Variants in MBOAT2 observed in about 807,000 individuals in gnomAD.
MBOAT2 encodes the protein membrane-bound glycerophospholipid O-acyltransferase 2.
In MBOAT2, 28 loss-of-function variants were observed where a neutral mutation model predicts 63.4. That is an observed-to-expected ratio of 0.44 (90% CI 0.33 to 0.61). The LOEUF (loss-of-function observed/expected upper bound fraction) is 0.61, where lower values mean the gene tolerates loss of function less well. Among genes scored for constraint, MBOAT2 ranks in the 20% least tolerant of loss-of-function variants. The pLI is 0.03. For missense variants in MBOAT2, 470 were observed against 605.8 expected (o/e 0.78, Z 2.35); for synonymous variants, 211 against 215.6 (o/e 0.98, Z 0.19).
chr2:8,955,930 A>G (rs1669182362), intron 2 of MBOAT2, among the ~76,000 whole-genome samples: 1 of 152,210 alleles, frequency 6.6e-6, no homozygotes, highest in African/African-American at 2.4e-5. Flanking sequence ...GGCCCAGATG[A>G]TCCTTAGTAT....
chr2:8,935,487 G>A (rs1366502166), intron 3 of MBOAT2, among the ~76,000 whole-genome samples: 1 of 152,198 alleles, frequency 6.6e-6, no homozygotes, highest in Non-Finnish European at 1.5e-5. Context: ...TGATAAATAT[G>A]ACAGTATGAA....
chr2:8,972,978 C>A lies in MBOAT2; in HGVS notation c.76-14336G>T, dbSNP rs192868203. Among the ~76,000 whole-genome samples, 90 of 152,142 alleles carry A rather than the reference C, an allele frequency of 5.9e-4. No individual in the cohort carries two copies. The East Asian group carries it at 0.015, about 25-fold the overall frequency. ...CAATGTGACGATTCCTCAAGGATCT[C>A]GAACTAGAAATACCATTTGACCCAG... On this transcript the variant is annotated intron_variant, in intron 1 of 12. Transcript: ENST00000305997.
intron 1 of MBOAT2, among the ~76,000 whole-genome samples, chr2:8,998,611 G>T (rs1369924150): frequency 6.6e-6 from 1 of 151,154 alleles, no homozygotes; most frequent in Non-Finnish European, 1.5e-5. Context: ...GGGAAGAGCG[G>T]GGGGCGGGGG....
chr2:8,895,500 C>T (rs911464515), intron 4 of MBOAT2, among the ~76,000 whole-genome samples: 8 of 151,070 alleles, frequency 5.3e-5, no homozygotes, highest in East Asian at 1.9e-4. Flanking sequence ...AGACACAGAG[C>T]GCTGATTGGT....
At position 8,882,454 on chromosome 2, in the gene MBOAT2, G is replaced by T. The variant is rs543431899; in HGVS notation, c.506+57C>A. ...AGTCAGCCTCAGCCACAGAAGGAAC[G>T]TGGGTCCTAGGCAGGGGCGCAGGAA... On this transcript the variant is annotated intron_variant, in intron 6 of 12. Coordinates refer to ENST00000305997, the MANE Select transcript of MBOAT2 (RefSeq NM_138799.4). 7 of 1,548,160 alleles carry T rather than the reference G, an allele frequency of 4.5e-6. No homozygotes were observed. In the South Asian group the frequency reaches 7.8e-5, roughly 17 times the overall value.
At chr2:8,918,474 A>G (rs1666341013) in intron 3 of MBOAT2, among the ~76,000 whole-genome samples, 1 of 152,244 alleles carries the variant, frequency 6.6e-6, no homozygotes, top group African/African-American at 2.4e-5. Context: ...ACACAGAGAC[A>G]CTAAGTGAAC....
intron 1 of MBOAT2, among the ~76,000 whole-genome samples, chr2:8,985,961 G>T (rs918291417): frequency 2.0e-5 from 3 of 152,136 alleles, no homozygotes; most frequent in African/African-American, 7.2e-5. Flanking sequence ...AGTAAAAAGA[G>T]AAACTTTACA....
chr2:8,959,016 C>A (rs1017472198), intron 1 of MBOAT2, among the ~76,000 whole-genome samples: 1 of 152,104 alleles, frequency 6.6e-6, no homozygotes, highest in Non-Finnish European at 1.5e-5. Flanking sequence ...CCCTGTAACC[C>A]GTGAAAAAGA....
At chr2:8,963,796 C>T (rs183286675) in intron 1 of MBOAT2, among the ~76,000 whole-genome samples, 2 of 152,254 alleles carry the variant, frequency 1.3e-5, no homozygotes, top group East Asian at 3.9e-4. Context: ...GCCTACTATG[C>T]TTTTACTATG....
intron 8 of MBOAT2, among the ~76,000 whole-genome samples, chr2:8,869,873 T>C (rs549023593): frequency 6.6e-6 from 1 of 152,334 alleles, no homozygotes; most frequent in East Asian, 1.9e-4. Flanking sequence ...CTCCATCTTT[T>C]TTAGCCTACT....
Position 8,854,299 on chromosome 2 carries a change from CAG to C in MBOAT2, c.*4378_*4379del, listed in dbSNP as rs1185576118. On this transcript the variant is annotated 3_prime_UTR_variant, in exon 13 of 13. Transcript: ENST00000305997. ...CCACTTTTACAAGGGCTGGAGAAAACAGAAATTTCAGCATCTAAGATGAGTGT... is the reference window on the plus strand; with the variant it reads ...CCACTTTTACAAGGGCTGGAGAAAACAAATTTCAGCATCTAAGATGAGTGT... 6.6e-6 allele frequency: 1 copy of C among 152,186 alleles called. No individual in the cohort carries two copies. Among genetic ancestry groups the C allele is most frequent in the Non-Finnish European group, 1.5e-5 (1 of 68,032 alleles). The allele number at this position is 152,186 out of a possible 1,614,324, so 9.4% of individuals were successfully genotyped here.
At chr2:8,928,270 A>T (rs1014069955) in intron 3 of MBOAT2, among the ~76,000 whole-genome samples, 1 of 152,156 alleles carries the variant, frequency 6.6e-6, no homozygotes, top group African/African-American at 2.4e-5. Flanking sequence ...ACTCCAGAAG[A>T]GAGGTCTCAG....
chr2:8,997,774 T>C (rs978820590), intron 1 of MBOAT2, among the ~76,000 whole-genome samples: 1 of 152,186 alleles, frequency 6.6e-6, no homozygotes, highest in Admixed American at 6.5e-5. Context: ...AAAAATTTAG[T>C]GTTTTGCCAA....
In MBOAT2 at chr2:8,887,999, T is replaced by A; in HGVS notation, c.451+19A>T. ...AATTAAATTTTTTCAGCAATAAAAA[T>A]TAATTTCAGAATTCTTACCATCATG... On this transcript the variant is annotated intron_variant, in intron 5 of 12. Coordinates refer to ENST00000305997, the MANE Select transcript of MBOAT2 (RefSeq NM_138799.4). 6.2e-7 allele frequency: 1 copy of A among 1,607,922 alleles called. No homozygotes were observed. The highest frequency in any genetic ancestry group is 8.5e-7 in the Non-Finnish European group (1 of 1,174,952).
chr2:8,914,444 A>C (rs1239751207), intron 3 of MBOAT2, among the ~76,000 whole-genome samples: 2 of 152,158 alleles, frequency 1.3e-5, no homozygotes, highest in African/African-American at 4.8e-5. Context: ...CATTTTTGTC[A>C]AATTACAGTT....
chr2:8,912,320 A>AAAGC (rs1665781093), intron 3 of MBOAT2, among the ~76,000 whole-genome samples: 1 of 103,930 alleles, frequency 9.6e-6, no homozygotes, highest in Non-Finnish European at 2.0e-5. Flanking sequence ...AGAAAGAAAG[A>AAAGC]AAGAAAGAAA....
At chr2:8,944,208 A>G (rs561124146) in intron 2 of MBOAT2, among the ~76,000 whole-genome samples, 1 of 152,334 alleles carries the variant, frequency 6.6e-6, no homozygotes, top group East Asian at 1.9e-4. Flanking sequence ...GAAATCCACC[A>G]TTAAATTAGA....
chr2:8,873,005 T>G (rs10210755), intron 8 of MBOAT2, 103 bp downstream of exon 8: 69,899 of 985,378 alleles, frequency 0.071, 2,742 homozygotes, highest in Middle Eastern at 0.098. Flanking sequence ...ATTTTTCCAA[T>G]TGGTCTTTAT....
Position 8,862,338 on chromosome 2 carries a change from A to C in MBOAT2, c.1185+252T>G. 1 of 1,418,030 alleles carries C rather than the reference A, an allele frequency of 7.1e-7. No individual in the cohort carries two copies. The highest frequency in any genetic ancestry group is 1.2e-5 in the South Asian group (1 of 81,726). The allele number at this position is 1,418,030 out of a possible 1,614,324, so 87.8% of individuals were successfully genotyped here. ...TCAGAAAATTCTGTAAAGACAAAGT[A>C]ACATTTTGTGAGTGCCTCCTACCTG... On this transcript the variant is annotated intron_variant, in intron 11 of 12. Transcript: ENST00000305997. This position sits in a 1 kb window ranked among gnomAD's most constrained non-coding sequence, Gnocchi z 4.3.
Sources: allele counts gnomAD v4.1 joint callset (sites outside exome capture counted in the v4.1 genomes callset), GRCh38; gene constraint gnomAD v4.1.1; non-coding constraint Gnocchi (gnomAD v3.1); transcripts MANE v1.5; gene names NCBI Gene and HGNC (gene_info 2026-07-23, HGNC 2026-07-21).